Variants in BORCS8 observed in about 807,000 individuals in gnomAD.
BORCS8 encodes BLOC-1-related complex subunit 8.
In BORCS8, 13 loss-of-function variants were observed where a neutral mutation model predicts 18.7. That is an observed-to-expected ratio of 0.70 (90% CI 0.45 to 1.11). BORCS8 has a LOEUF of 1.11. Ranked by LOEUF, BORCS8 falls within the 50% of genes least tolerant of loss-of-function variation. BORCS8 has a pLI of 0.00. For synonymous variants in BORCS8, 68 were observed against 64.8 expected (o/e 1.05, Z -0.24); for missense variants, 165 against 165.7 (o/e 1.00, Z 0.02).
chr19:19,177,728 GAAAAGAAAAGAAAAGAAAAGAAAA>G (rs1252749924), intron 5 of BORCS8: 13 of 172,210 alleles, frequency 7.5e-5, no homozygotes, highest in Admixed American at 6.7e-4. Context: ...GAAAAGAAAA[GAAAAGAAAAGAAAAGAAAAGAAAA>G]GAAAGGAAGA....
intron 1 of BORCS8, among the ~76,000 whole-genome samples, chr19:19,190,692 G>A (rs1040258894): frequency 6.6e-6 from 1 of 152,196 alleles, no homozygotes. Context: ...GGAGGCTGAG[G>A]CAGGAGAAAC....
intron 1 of BORCS8, among the ~76,000 whole-genome samples, chr19:19,189,045 G>C (rs915911663): frequency 6.6e-6 from 1 of 152,090 alleles, no homozygotes; most frequent in Non-Finnish European, 1.5e-5. Flanking sequence ...ATGTTGGCCA[G>C]GCTGGTCTCG....
intron 3 of BORCS8, 111 bp downstream of exon 3, chr19:19,185,923 G>T (rs1274729225): frequency 1.8e-6 from 2 of 1,117,942 alleles, no homozygotes; most frequent in Non-Finnish European, 1.3e-6. Flanking sequence ...ACCCACTCGG[G>T]TAGGCCTGGC....
Position 19,182,775 on chromosome 19 carries a change from G to A in BORCS8, c.216-92C>T. 3 of 1,432,238 alleles carry A rather than the reference G, an allele frequency of 2.1e-6. No individual in the cohort carries two copies. Among genetic ancestry groups the A allele is most frequent in the Non-Finnish European group, 2.8e-6 (3 of 1,085,184 alleles). The allele number at this position is 1,432,238 out of a possible 1,614,324, so 88.7% of individuals were successfully genotyped here. A position where few individuals can be genotyped will look rare whatever the true frequency, so the allele number is the denominator to read the frequency against. ...TTGAGGTCACCACCAGGGCTCGGTG[G>A]GTACCTCAGTGATTCTGCGGGCTTC... On this transcript the variant is annotated intron_variant, in intron 3 of 5. Coordinates refer to ENST00000462790, the MANE Select transcript of BORCS8 (RefSeq NM_001145784.2). The surrounding 1 kb of genome is among the most constrained non-coding windows in gnomAD (Gnocchi z 4.1).
chr19:19,183,428 T>TTTC (rs1568565488), intron 3 of BORCS8, among the ~76,000 whole-genome samples: 1 of 148,910 alleles, frequency 6.7e-6, no homozygotes, highest in Non-Finnish European at 1.5e-5. Context: ...AAAAAAAATA[T>TTTC]ACATTTCACT....
At chr19:19,180,641 A>T in intron 5 of BORCS8, 45 bp downstream of exon 5, 1 of 1,336,432 alleles carries the variant, frequency 7.5e-7, no homozygotes, top group Non-Finnish European at 1.0e-6. Context: ...CGGGTTGGTT[A>T]GTTCAGAGCA....
At chr19:19,184,317 T>C (rs2146419868) in intron 3 of BORCS8, among the ~76,000 whole-genome samples, 1 of 148,726 alleles carries the variant, frequency 6.7e-6, no homozygotes, top group African/African-American at 2.5e-5. Context: ...TTTTTTTTTT[T>C]TTTTTTGAGA....
chr19:19,186,282 C>T (rs1346023047), intron 2 of BORCS8, among the ~76,000 whole-genome samples, 184 bp from the exon 3 acceptor site: 1 of 152,244 alleles, frequency 6.6e-6, no homozygotes, highest in Non-Finnish European at 1.5e-5. Context: ...TGCCTCAGGG[C>T]CTTTGCACAG....
chr19:19,180,150 G>T (rs2060334615), intron 5 of BORCS8: 1 of 161,848 alleles, frequency 6.2e-6, no homozygotes, highest in African/African-American at 2.4e-5. Flanking sequence ...CTGCTCCAAA[G>T]CACATCCGTC....
intron 4 of BORCS8, chr19:19,181,850 C>T (rs1284511487): frequency 1.2e-5 from 12 of 985,158 alleles, no homozygotes; most frequent in South Asian, 9.4e-5. Flanking sequence ...CATCCCAAGG[C>T]GACATTCCTG....
Position 19,186,962 on chromosome 19 carries a change from C to A in BORCS8, c.81G>T (p.Glu27Asp). ...GCAGCCGGTACAGGGCCACGGATGG[C>A]TCGTTGGCCAGGACGTAGACGCTCT... The part of the protein sequence containing the change: ...FTESVYVLAN[E>D]PSVALYRLQE... Residue 27 changes from glutamate to aspartate, a missense_variant, in exon 2 of 6, where the codon GAG (glutamate) becomes GAT (aspartate). Physicochemically the swap from Glu to Asp is conservative, Grantham distance 45 (BLOSUM62 2). Transcript: ENST00000462790. 1 of 1,551,402 alleles carries A rather than the reference C, an allele frequency of 6.4e-7. No individual in the cohort carries two copies. Among genetic ancestry groups the A allele is most frequent in the African/African-American group, 1.4e-5 (1 of 73,160 alleles).
intron 3 of BORCS8, 67 bp downstream of exon 3, chr19:19,185,967 C>A (rs748975923): frequency 6.7e-6 from 10 of 1,484,974 alleles, no homozygotes; most frequent in Non-Finnish European, 9.1e-6. Flanking sequence ...GGCTGGGATG[C>A]CCCTGAATGC....
chr19:19,186,211 C>CT, intron 2 of BORCS8, 113 bp from the exon 3 acceptor site: 1 of 999,916 alleles, frequency 1.0e-6, no homozygotes, highest in South Asian at 1.4e-5. Context: ...AAGCAGAGAC[C>CT]TTTCCTCCTG....
chr19:19,182,794 G>T lies in BORCS8; in HGVS notation c.216-111C>A. The T allele has an allele frequency of 7.2e-7, 1 of 1,382,482 alleles. No individual in the cohort carries two copies. The highest frequency in any genetic ancestry group is 9.5e-7 in the Non-Finnish European group (1 of 1,047,730). The allele number at this position is 1,382,482 out of a possible 1,614,324, so 85.6% of individuals were successfully genotyped here. A position where few individuals can be genotyped will look rare whatever the true frequency, so the allele number is the denominator to read the frequency against. ...TCGGTGGGTACCTCAGTGATTCTGC[G>T]GGCTTCCCGAAGGACTCACAGTGGG... is the stretch of plus-strand genomic sequence containing the variant. On this transcript the variant is annotated intron_variant, in intron 3 of 5. Transcript: ENST00000462790. The surrounding 1 kb of genome is among the most constrained non-coding windows in gnomAD (Gnocchi z 4.1).
At chr19:19,177,720 A>G (rs1205505260) in intron 5 of BORCS8, 1 of 169,958 alleles carries the variant, frequency 5.9e-6, no homozygotes, top group African/African-American at 2.8e-5. Context: ...AAAGAAAAGA[A>G]AAGAAAAGAA....
intron 3 of BORCS8, among the ~76,000 whole-genome samples, chr19:19,184,000 C>T (rs575878731): frequency 6.2e-4 from 89 of 143,158 alleles, no homozygotes; most frequent in African/African-American, 2.0e-3. Context: ...CTCCTGCCTC[C>T]GCCTCCCAAG....
chr19:19,181,093 G>C (rs545480887), intron 4 of BORCS8, among the ~76,000 whole-genome samples: 1 of 152,260 alleles, frequency 6.6e-6, no homozygotes, highest in South Asian at 2.1e-4. Flanking sequence ...TACTCGAGAG[G>C]CTGAGGCACG....
At chr19:19,180,399 T>G (rs2060336647) in intron 5 of BORCS8, 1 of 494,902 alleles carries the variant, frequency 2.0e-6, no homozygotes, top group Admixed American at 3.6e-5. Flanking sequence ...CTTCTCTGTC[T>G]TGGGGGGTGG....
chr19:19,190,712 C>A (rs901786923), intron 1 of BORCS8, among the ~76,000 whole-genome samples: 4 of 151,994 alleles, frequency 2.6e-5, no homozygotes, highest in Admixed American at 6.6e-5. Context: ...CACTTGAACC[C>A]GGGAGGCGGA....
Sources: gnomAD v4.1 joint callset for allele counts (sites outside exome capture counted in the v4.1 genomes callset) on GRCh38, gnomAD v4.1.1 for gene constraint, Gnocchi (gnomAD v3.1) non-coding constraint, MANE v1.5 for transcripts, NCBI Gene and HGNC (gene_info 2026-07-23, HGNC 2026-07-21) for gene names.